ZNF385B: variants seen among roughly 807,000 people sequenced by gnomAD.
ZNF385B encodes the protein zinc finger protein 533.
In ZNF385B, 23 loss-of-function variants were observed where a neutral mutation model predicts 39.2. The observed-to-expected ratio is 0.59, with a 90% CI of 0.42 to 0.83. ZNF385B has a LOEUF of 0.83. Ranked by LOEUF, ZNF385B falls within the 40% of genes least tolerant of loss-of-function variation. The pLI is 0.00. For synonymous variants in ZNF385B, 205 were observed against 222.6 expected (o/e 0.92, Z 0.70); for missense variants, 552 against 598.9 (o/e 0.92, Z 0.82).
chr2:179,443,577 T>G, intron 9 of ZNF385B, 109 bp from the exon 10 acceptor site: 1 of 866,140 alleles, frequency 1.2e-6, no homozygotes, highest in South Asian at 1.5e-5. Flanking sequence ...TCTTAAATTT[T>G]GAAAATCTTC....
intron 3 of ZNF385B, among the ~76,000 whole-genome samples, chr2:179,692,249 T>G (rs1698414323): frequency 6.6e-6 from 1 of 152,140 alleles, no homozygotes; most frequent in Admixed American, 6.6e-5. Flanking sequence ...TGCTGAGTCA[T>G]TTTGTGCACA....
chr2:179,702,799 G>T (rs933443448), intron 3 of ZNF385B, among the ~76,000 whole-genome samples: 8 of 152,136 alleles, frequency 5.3e-5, no homozygotes, highest in Admixed American at 2.0e-4. Context: ...ATAAGTAATT[G>T]CTCGGTAAAT....
chr2:179,749,026 T>C (rs1336297728), intron 3 of ZNF385B, among the ~76,000 whole-genome samples: 1 of 152,124 alleles, frequency 6.6e-6, no homozygotes, highest in Non-Finnish European at 1.5e-5. Context: ...AGAAGGAAAC[T>C]GCATTTATTT....
intron 3 of ZNF385B, among the ~76,000 whole-genome samples, chr2:179,561,130 T>C (rs2061309614): frequency 6.6e-6 from 1 of 152,212 alleles, no homozygotes; most frequent in South Asian, 2.1e-4. Flanking sequence ...ATTAAGTAGC[T>C]TTTTACATAT....
intron 6 of ZNF385B, among the ~76,000 whole-genome samples, chr2:179,454,022 G>C (rs772566559): frequency 6.6e-6 from 1 of 152,136 alleles, no homozygotes; most frequent in South Asian, 2.1e-4. Flanking sequence ...CATGGAACAC[G>C]GAAGAAAGAG....
intron 3 of ZNF385B, among the ~76,000 whole-genome samples, chr2:179,704,973 T>G (rs1328128556): frequency 6.6e-6 from 1 of 152,206 alleles, no homozygotes; most frequent in Non-Finnish European, 1.5e-5. Context: ...CACCCTGCTA[T>G]CTATTCTTTC....
At chr2:179,452,194 T>C (rs561755339) in intron 6 of ZNF385B, among the ~76,000 whole-genome samples, 1 of 152,274 alleles carries the variant, frequency 6.6e-6, no homozygotes, top group African/African-American at 2.4e-5. Context: ...GGAAGTTCCA[T>C]ACTGATTCAT....
intron 3 of ZNF385B, among the ~76,000 whole-genome samples, chr2:179,681,041 ATG>A (rs1299558915): frequency 6.6e-6 from 1 of 151,228 alleles, no homozygotes; most frequent in Non-Finnish European, 1.5e-5. Context: ...GTTTAAAATA[ATG>A]TGAGACCAGA....
chr2:179,571,281 C>G (rs1325766808), intron 3 of ZNF385B, among the ~76,000 whole-genome samples: 1 of 152,134 alleles, frequency 6.6e-6, no homozygotes, highest in Non-Finnish European at 1.5e-5. Flanking sequence ...AAGGTCATTA[C>G]AACAGTTATG....
chr2:179,601,709 T>C (rs1253265178), intron 3 of ZNF385B, among the ~76,000 whole-genome samples: 1 of 152,208 alleles, frequency 6.6e-6, no homozygotes, highest in African/African-American at 2.4e-5. Flanking sequence ...AAATTTTGTA[T>C]TAATTGCAAT....
intron 6 of ZNF385B, among the ~76,000 whole-genome samples, chr2:179,467,281 T>C (rs2052168443): frequency 6.6e-6 from 1 of 152,170 alleles, no homozygotes; most frequent in Non-Finnish European, 1.5e-5. Context: ...CCTAGTATAG[T>C]ATAGTACAGG....
At chr2:179,597,876 ACT>A (rs1688119743) in intron 3 of ZNF385B, among the ~76,000 whole-genome samples, 1 of 151,924 alleles carries the variant, frequency 6.6e-6, no homozygotes, top group Non-Finnish European at 1.5e-5. Flanking sequence ...CATATGAAAA[ACT>A]CTCTGAAAAG....
intron 4 of ZNF385B, among the ~76,000 whole-genome samples, chr2:179,526,923 TC>T (rs1231623120): frequency 6.6e-6 from 1 of 152,220 alleles, no homozygotes; most frequent in East Asian, 1.9e-4. Context: ...CATTAACTGG[TC>T]CCCTCTTTCA....
intron 3 of ZNF385B, among the ~76,000 whole-genome samples, chr2:179,654,994 T>G (rs1023112326): frequency 8.5e-5 from 13 of 152,246 alleles, no homozygotes; most frequent in African/African-American, 2.9e-4. Context: ...CAAATGAGGC[T>G]CTTTGATTTC....
intron 3 of ZNF385B, chr2:179,576,063 T>G (rs1356055158): frequency 1.2e-6 from 1 of 866,516 alleles, no homozygotes; most frequent in Non-Finnish European, 1.4e-6. Flanking sequence ...GGCACAACAC[T>G]TGCCCCGTAC....
chr2:179,792,091 A>G (rs1705363364), intron 1 of ZNF385B, among the ~76,000 whole-genome samples: 3 of 152,092 alleles, frequency 2.0e-5, no homozygotes, highest in Admixed American at 2.0e-4. Flanking sequence ...ATATCAAAAT[A>G]TTATTTCTCC....
At chr2:179,731,653 G>T (rs971117494) in intron 3 of ZNF385B, among the ~76,000 whole-genome samples, 4 of 152,156 alleles carry the variant, frequency 2.6e-5, no homozygotes, top group Non-Finnish European at 4.4e-5. Flanking sequence ...CAGAAGTGGT[G>T]CCTCATGCCT....
intron 1 of ZNF385B, among the ~76,000 whole-genome samples, chr2:179,818,807 T>G (rs1707226671): frequency 6.6e-6 from 1 of 152,146 alleles, no homozygotes. Context: ...TCATCCTCAG[T>G]GCTGGCCCTA....
At chr2:179,625,222 C>A (rs749160199) in intron 3 of ZNF385B, among the ~76,000 whole-genome samples, 31 of 152,048 alleles carry the variant, frequency 2.0e-4, no homozygotes, top group Non-Finnish European at 4.1e-4. Context: ...CTGAGAGTGT[C>A]TCTCTTTTTC....
Sources: gnomAD v4.1 joint callset for allele counts (sites outside exome capture counted in the v4.1 genomes callset) on GRCh38, gnomAD v4.1.1 for gene constraint, MANE v1.5 for transcripts, NCBI Gene and HGNC (gene_info 2026-07-23, HGNC 2026-07-21) for gene names.